Variants in RNASEL observed in about 807,000 individuals in gnomAD.
RNASEL encodes 2-5A-dependent ribonuclease.
A neutral mutation model predicts 50.9 loss-of-function variants in RNASEL; 36 were observed. The observed-to-expected ratio is 0.71, with a 90% CI of 0.54 to 0.93. RNASEL has a LOEUF of 0.93. RNASEL is among the 40% of genes least tolerant of loss of function. RNASEL has a pLI of 0.00. For synonymous variants in RNASEL, 335 were observed against 335.6 expected (o/e 1.00, Z 0.02); for missense variants, 860 against 894.5 (o/e 0.96, Z 0.49).
In RNASEL at chr1:182,585,386, T is replaced by C. The variant is rs763220861; in HGVS notation, c.1421A>G (p.Glu474Gly). The C allele has an allele frequency of 8.7e-6, 14 of 1,614,098 alleles. No individual in the cohort carries two copies. The highest frequency in any genetic ancestry group is 1.6e-4 in the Middle Eastern group (1 of 6,084). Residue 474 changes from glutamate to glycine, a missense_variant, in exon 2 of 7, where the codon GAA (glutamate) becomes GGA (glycine). Coordinates refer to ENST00000367559, the MANE Select transcript of RNASEL (RefSeq NM_021133.4). ...VLSSIFKAVQ[E>G]LHLSCGYTHQ... ...GGTGTATCCACAGGACAAGTGTAGT[T>C]CTTGAACAGCCTTAAATATAGATGA...
At chr1:182,576,075 G>A (rs1661372044) in intron 6 of RNASEL, among the ~76,000 whole-genome samples, 181 bp downstream of exon 6, 1 of 152,182 alleles carries the variant, frequency 6.6e-6, no homozygotes, top group Non-Finnish European at 1.5e-5. Context: ...AAGCCTGCTG[G>A]ACATGTCCCT....
chr1:182,580,014 A>G (rs1245392258), intron 5 of RNASEL: 1 of 456,092 alleles, frequency 2.2e-6, no homozygotes, highest in Non-Finnish European at 4.4e-6. Flanking sequence ...TCATCTGCAA[A>G]ATATAGATGA....
intron 4 of RNASEL, 119 bp from the exon 5 acceptor site, chr1:182,581,476 T>TC: frequency 2.9e-6 from 2 of 679,884 alleles, no homozygotes; most frequent in Non-Finnish European, 4.1e-6. Flanking sequence ...TTTCTTTCTT[T>TC]TTTTTTTTTT....
intron 3 of RNASEL, among the ~76,000 whole-genome samples, chr1:182,583,613 G>A (rs1473574407): frequency 2.0e-5 from 3 of 152,078 alleles, no homozygotes; most frequent in Non-Finnish European, 2.9e-5. Flanking sequence ...CAGTCACGGT[G>A]GGCACCATCT....
Position 182,586,388 on chromosome 1 carries a change from G to A in RNASEL, c.419C>T (p.Ala140Val). Residue 140 changes from alanine to valine, a missense_variant, in exon 2 of 7, where the codon GCC becomes GTC. Transcript: ENST00000367559. The stretch of plus-strand genomic sequence containing the variant: ...TCCTCTCTTATAAAGGAATTTTAGG[G>A]CTTTGACCTTACCATACACAGCGGC... ...MEAAVYGKVK[A>V]LKFLYKRGAN... 1 of 1,614,120 alleles carries A rather than the reference G, an allele frequency of 6.2e-7. No homozygotes were observed. Among genetic ancestry groups the A allele is most frequent in the African/African-American group, 1.3e-5 (1 of 75,036 alleles).
rs1326172995 is a variant in RNASEL at position 182,584,081 on chromosome 1, C to G, written c.1566G>C (p.Glu522Asp). 3 of 1,609,544 alleles carry G rather than the reference C, an allele frequency of 1.9e-6. No individual in the cohort carries two copies. The African/African-American group carries it at 4.0e-5, about 22-fold the overall frequency. ...GDPQEVKRDL[E>D]DLGRLVLYVV... ...AGGTAAACTGGATTGTAGAATTTAC[C>G]TCTAGATCTCTCTTGACTTCCTGTG... is the stretch of plus-strand genomic sequence containing the variant. The change falls in exon 3 of 7, where the codon GAG becomes GAC. Residue 522 changes from glutamate to aspartate, a missense_variant and splice_region_variant. Coordinates refer to ENST00000367559, the MANE Select transcript of RNASEL (RefSeq NM_021133.4).
chr1:182,587,411 A>T (rs974917379), intron 1 of RNASEL, among the ~76,000 whole-genome samples: 27 of 152,164 alleles, frequency 1.8e-4, no homozygotes, highest in East Asian at 1.7e-3. Flanking sequence ...TTAAAAATTT[A>T]AAAAATCTAA....
chr1:182,583,901 A>G (rs1311650134), intron 3 of RNASEL, among the ~76,000 whole-genome samples, 180 bp downstream of exon 3: 1 of 152,064 alleles, frequency 6.6e-6, no homozygotes, highest in Non-Finnish European at 1.5e-5. Flanking sequence ...TTGTTCCTCA[A>G]CTTGCAGATG....
At chr1:182,585,177 C>A (rs2102369595) in intron 2 of RNASEL, 150 bp downstream of exon 2, 1 of 789,416 alleles carries the variant, frequency 1.3e-6, no homozygotes. Context: ...GGAGACACTG[C>A]ACTGTAATTA....
chr1:182,585,252 T>C (rs1000707032), intron 2 of RNASEL, 75 bp downstream of exon 2: 2 of 1,445,422 alleles, frequency 1.4e-6, no homozygotes, highest in Non-Finnish European at 1.9e-6. Flanking sequence ...CTTTCCTCTC[T>C]GCAATGAAAA....
At chr1:182,575,632 C>T in intron 6 of RNASEL, 54 bp from the exon 7 acceptor site, 1 of 1,603,338 alleles carries the variant, frequency 6.2e-7, no homozygotes, top group African/African-American at 1.3e-5. Flanking sequence ...TTCTTCCCCG[C>T]TTCACAGCAT....
chr1:182,575,235 A>G lies in RNASEL; in HGVS notation c.*157T>C, dbSNP rs1431424768. The G allele has an allele frequency of 5.5e-6, 4 of 727,778 alleles. No homozygotes were observed. The highest frequency in any genetic ancestry group is 9.7e-6 in the Non-Finnish European group (4 of 410,476). 45.1% of individuals were successfully genotyped at this position (727,778 alleles called of 1,614,324 possible). ...AGTCTGGGTATATATTGCTTTTGTT[A>G]TAGACATATGGAATACACGATGCCA... On this transcript the variant is annotated 3_prime_UTR_variant, in exon 7 of 7. Transcript: ENST00000367559.
At chr1:182,587,177 T>C (rs1056585075) in intron 1 of RNASEL, among the ~76,000 whole-genome samples, 4 of 152,134 alleles carry the variant, frequency 2.6e-5, no homozygotes, top group Admixed American at 2.6e-4. Flanking sequence ...AATGTTAATA[T>C]TTTAGTGTAT....
chr1:182,586,600 CA>C lies in RNASEL; in HGVS notation c.206del (p.Met69ArgfsTer19). 1 of 1,607,992 alleles carries C rather than the reference CA, an allele frequency of 6.2e-7. No individual in the cohort carries two copies. Among genetic ancestry groups the C allele is most frequent in the Non-Finnish European group, 8.5e-7 (1 of 1,175,492 alleles). ...GWTPLHNAVQ[M>X]SREDIVELLL... ...GAAGTTCCACAATGTCCTCCCTGCT[CA>C]TTTGTACTGCGTTATGCAGAGGTGT... On this transcript the variant is annotated frameshift_variant, in exon 2 of 7. Coordinates refer to ENST00000367559, the MANE Select transcript of RNASEL (RefSeq NM_021133.4). LOFTEE classifies it high-confidence loss of function.
At chr1:182,584,804 G>T (rs1661560923) in intron 2 of RNASEL, among the ~76,000 whole-genome samples, 1 of 152,120 alleles carries the variant, frequency 6.6e-6, no homozygotes, top group African/African-American at 2.4e-5. Context: ...TGCTTCCTGG[G>T]ACTTTACGGT....
At position 182,586,720 on chromosome 1, in the gene RNASEL, C is replaced by G. The variant is rs1477530395; in HGVS notation, c.87G>C (p.Leu29=). 1 of 1,614,258 alleles carries G rather than the reference C, an allele frequency of 6.2e-7. No homozygotes were observed. Residue 29 remains leucine, a synonymous_variant, in exon 2 of 7, where the codon CTG becomes CTC. Coordinates refer to ENST00000367559, the MANE Select transcript of RNASEL (RefSeq NM_021133.4). ...CATCTTCGTTTTGAACAGCTTTAAT[C>G]AGCAAGTGATTGTCTTCCACTGCAG... ...RRAAVEDNHL[L]IKAVQNEDVD...
intron 5 of RNASEL, among the ~76,000 whole-genome samples, chr1:182,580,905 G>C (rs1039788162): frequency 6.6e-6 from 1 of 152,078 alleles, no homozygotes; most frequent in Non-Finnish European, 1.5e-5. Context: ...AGCTGCTCGT[G>C]CCATAATGGC....
intron 3 of RNASEL, among the ~76,000 whole-genome samples, chr1:182,583,198 T>C (rs1350858417): frequency 6.6e-6 from 1 of 152,160 alleles, no homozygotes; most frequent in Non-Finnish European, 1.5e-5. Flanking sequence ...TGTGGCATGC[T>C]CAGTTTATTT....
chr1:182,579,677 A>G (rs1661454243), intron 5 of RNASEL: 1 of 1,145,016 alleles, frequency 8.7e-7, no homozygotes, highest in Non-Finnish European at 1.1e-6. Flanking sequence ...TAAAACTTGA[A>G]GTTAAAACCT....
Sources: allele counts gnomAD v4.1 joint callset (sites outside exome capture counted in the v4.1 genomes callset), GRCh38; gene constraint gnomAD v4.1.1; transcripts MANE v1.5; gene names NCBI Gene and HGNC (gene_info 2026-07-23, HGNC 2026-07-21).